The following WWOX variants were observed in gnomAD, a reference collection of about 807,000 sequenced individuals.
The protein encoded by WWOX is WW domain-containing oxidoreductase.
In WWOX, 69 loss-of-function variants were observed where a neutral mutation model predicts 46.2. The observed-to-expected ratio is 1.49, with a 90% CI of 1.23 to 1.82. WWOX has a LOEUF of 1.82. Among genes scored for constraint, WWOX ranks in the 40% most tolerant of loss-of-function variants. The pLI is 0.00. For missense variants in WWOX, 919 were observed against 542.6 expected, an observed-to-expected ratio of 1.69 and a Z score of -6.89; for synonymous variants, 359 against 202.6, an observed-to-expected ratio of 1.77 and a Z score of -6.56.
chr16:78,190,430 T>G (rs903941623), intron 5 of WWOX, among the ~76,000 whole-genome samples: 3 of 152,202 alleles, frequency 2.0e-5, no homozygotes, highest in Admixed American at 6.5e-5. Context: ...GCTGAGTTTC[T>G]GTCACTTGCA....
At chr16:78,435,505 G>C (rs1026791008) in intron 8 of WWOX, among the ~76,000 whole-genome samples, 1 of 152,216 alleles carries the variant, frequency 6.6e-6, no homozygotes, top group African/African-American at 2.4e-5. Flanking sequence ...CCCTGAGTGA[G>C]AAAGCTGTGG....
chr16:78,389,640 G>C (rs1350003383), intron 6 of WWOX, among the ~76,000 whole-genome samples: 1 of 152,220 alleles, frequency 6.6e-6, no homozygotes, highest in South Asian at 2.1e-4. Flanking sequence ...AGTGAGGCTA[G>C]AGAGGATATA....
At chr16:79,176,308 T>C (rs1336619264) in intron 8 of WWOX, among the ~76,000 whole-genome samples, 2 of 152,350 alleles carry the variant, frequency 1.3e-5, no homozygotes, top group East Asian at 3.9e-4. Flanking sequence ...CCATTCTCCC[T>C]GCTGATATCT....
intron 8 of WWOX, among the ~76,000 whole-genome samples, chr16:79,070,498 G>C (rs1368656665): frequency 6.6e-6 from 1 of 152,168 alleles, no homozygotes; most frequent in Non-Finnish European, 1.5e-5. Context: ...TCATAGTCTG[G>C]AAGGGTGGAG....
chr16:78,758,236 T>C (rs1339202382), intron 8 of WWOX, among the ~76,000 whole-genome samples: 1 of 152,204 alleles, frequency 6.6e-6, no homozygotes, highest in African/African-American at 2.4e-5. Flanking sequence ...AATAGAACTA[T>C]AGTAATTCCA....
At chr16:78,921,033 C>CCAATAT (rs1323846050) in intron 8 of WWOX, among the ~76,000 whole-genome samples, 1 of 152,126 alleles carries the variant, frequency 6.6e-6, no homozygotes, top group African/African-American at 2.4e-5. Flanking sequence ...CTTTGCCAGT[C>CCAATAT]CAATATAGGT....
At chr16:78,591,992 G>A (rs2045363387) in intron 8 of WWOX, among the ~76,000 whole-genome samples, 1 of 152,148 alleles carries the variant, frequency 6.6e-6, no homozygotes, top group Non-Finnish European at 1.5e-5. Context: ...TATTTCAATA[G>A]ATATCCAGAT....
chr16:78,125,940 AAAAT>A (rs1021563050), intron 4 of WWOX, among the ~76,000 whole-genome samples: 5 of 152,258 alleles, frequency 3.3e-5, no homozygotes, highest in African/African-American at 4.8e-5. Flanking sequence ...AAAGCGAAGA[AAAAT>A]AAAAATAAGA....
intron 8 of WWOX, among the ~76,000 whole-genome samples, chr16:78,875,160 G>C (rs1322873194): frequency 6.6e-6 from 1 of 152,192 alleles, no homozygotes; most frequent in Non-Finnish European, 1.5e-5. Flanking sequence ...ATTCAGGAAT[G>C]TTGCAAGATT....
intron 8 of WWOX, among the ~76,000 whole-genome samples, chr16:78,940,177 A>G (rs552796509): frequency 6.6e-6 from 1 of 152,334 alleles, no homozygotes; most frequent in Non-Finnish European, 1.5e-5. Context: ...AGATTCTTAA[A>G]GCATGAATGC....
intron 8 of WWOX, among the ~76,000 whole-genome samples, chr16:78,694,424 G>T (rs2048056213): frequency 1.3e-5 from 2 of 152,120 alleles, no homozygotes; most frequent in South Asian, 4.2e-4. Context: ...CCTTCCCATT[G>T]TCAAGGCAGA....
At chr16:78,665,933 C>T (rs2047322295) in intron 8 of WWOX, among the ~76,000 whole-genome samples, 1 of 151,954 alleles carries the variant, frequency 6.6e-6, no homozygotes, top group Non-Finnish European at 1.5e-5. Context: ...GATCTGCCCA[C>T]CTTGGCCTCC....
intron 8 of WWOX, among the ~76,000 whole-genome samples, chr16:78,446,404 G>C (rs754965167): frequency 6.6e-6 from 1 of 152,120 alleles, no homozygotes; most frequent in African/African-American, 2.4e-5. Context: ...GCTTTGACAC[G>C]AGATGTTGCC....
At chr16:78,941,718 C>G (rs956159702) in intron 8 of WWOX, among the ~76,000 whole-genome samples, 1 of 152,130 alleles carries the variant, frequency 6.6e-6, no homozygotes, top group Non-Finnish European at 1.5e-5. Context: ...GGTTTCCTTT[C>G]CCAGGTTTGA....
In WWOX at chr16:78,386,916, G is replaced by T. The variant is rs1267634962; in HGVS notation, c.573G>T (p.Gln191His). ...ACCTCGCTCTGCTCCGTAGCGTGCA[G>T]CATTTTGCTGAAGCATTCAAGGCCA... ...TLDLALLRSVQHFAEAFKAKN... is the reference protein window; with the variant it reads ...TLDLALLRSVHHFAEAFKAKN... The change falls in exon 6 of 9, where the codon CAG (glutamine) becomes CAT (histidine). Residue 191 changes from glutamine (Q) to histidine (H), a missense_variant. Transcript: ENST00000566780. The T allele has an allele frequency of 3.1e-6, 5 of 1,614,010 alleles. No homozygotes were observed. Among genetic ancestry groups the T allele is most frequent in the Non-Finnish European group, 4.2e-6 (5 of 1,180,008 alleles).
intron 8 of WWOX, among the ~76,000 whole-genome samples, chr16:79,013,601 C>T (rs537636143): frequency 6.6e-6 from 1 of 152,280 alleles, no homozygotes; most frequent in South Asian, 2.1e-4. Context: ...GGACAGCCCA[C>T]TCACCAAGGG....
At chr16:78,669,071 A>G (rs539898715) in intron 8 of WWOX, among the ~76,000 whole-genome samples, 203 of 152,306 alleles carry the variant, frequency 1.3e-3, no homozygotes, top group African/African-American at 4.6e-3. Flanking sequence ...CTTCCACTGA[A>G]GCTACAACTG....
At chr16:78,349,188 C>T (rs12932053) in intron 5 of WWOX, among the ~76,000 whole-genome samples, 5,131 of 120,444 alleles carry the variant, frequency 0.043, 1,477 homozygotes, top group Non-Finnish European at 0.054. Flanking sequence ...GCTGTGTGCA[C>T]GCATCCCTGG....
At chr16:78,558,036 G>A (rs1398186527) in intron 8 of WWOX, among the ~76,000 whole-genome samples, 1 of 152,032 alleles carries the variant, frequency 6.6e-6, no homozygotes, top group Non-Finnish European at 1.5e-5. Context: ...CACATAGTCG[G>A]CCCTCAGTGA....
Sources: allele counts gnomAD v4.1 joint callset (sites outside exome capture counted in the v4.1 genomes callset), GRCh38; gene constraint gnomAD v4.1.1; transcripts MANE v1.5; gene names NCBI Gene and HGNC (gene_info 2026-07-23, HGNC 2026-07-21).